The following WNK2 variants were observed in gnomAD, a reference collection of about 807,000 sequenced individuals.
The protein encoded by WNK2 is serine/threonine-protein kinase WNK2.
WNK2 carries 67 observed loss-of-function variants against 192.1 expected under a neutral mutation model. That is an observed-to-expected ratio of 0.35 (90% confidence interval 0.29 to 0.43). WNK2 has a LOEUF of 0.43. Among genes scored for constraint, WNK2 ranks in the 20% least tolerant of loss-of-function variants. WNK2 has a pLI of 1.00. For synonymous variants in WNK2, 1,439 were observed against 1,393.9 expected (o/e 1.03, Z -0.72); for missense variants, 2,698 against 3,089.7 (o/e 0.87, Z 3.01).
At chr9:93,268,137 G>A in intron 18 of WNK2, 72 bp downstream of exon 18, 1 of 1,544,656 alleles carries the variant, frequency 6.5e-7, no homozygotes, top group South Asian at 1.2e-5. Flanking sequence ...ATATTACCAG[G>A]GGTTTGGCCA....
chr9:93,245,038 A>G (rs1323395779), intron 7 of WNK2, among the ~76,000 whole-genome samples: 1 of 144,368 alleles, frequency 6.9e-6, no homozygotes, highest in African/African-American at 2.6e-5. Flanking sequence ...CGCCCCACTT[A>G]TGTCTCTTCT....
At chr9:93,264,874 A>G (rs2133085629) in intron 16 of WNK2, among the ~76,000 whole-genome samples, 1 of 152,282 alleles carries the variant, frequency 6.6e-6, no homozygotes, top group South Asian at 2.1e-4. Flanking sequence ...TCAAGTTAAT[A>G]TCATAGATTG....
rs1253781089 is a variant in WNK2 at position 93,239,181 on chromosome 9, G to A, written c.1323-576G>A. On this transcript the variant is annotated intron_variant, in intron 6 of 29. Transcript: ENST00000427277. The surrounding 1 kb of genome is among the most constrained non-coding windows in gnomAD (Gnocchi z 4.2). ...CCGCCCTCCCGGATCCCTGCAAAGA[G>A]CCTTCGAGGCTGGGTCTGGCTGGGG... 3.3e-5 allele frequency among the ~76,000 whole-genome samples: 5 copies of A among 152,216 alleles called. No individual in the cohort carries two copies. The highest frequency in any genetic ancestry group is 7.3e-5 in the Non-Finnish European group (5 of 68,032).
At chr9:93,314,131 A>T (rs1854165782) in intron 28 of WNK2, among the ~76,000 whole-genome samples, 1 of 151,846 alleles carries the variant, frequency 6.6e-6, no homozygotes, top group African/African-American at 2.4e-5. Flanking sequence ...AAAAAAAAAA[A>T]ATTAGCCCAG....
chr9:93,279,673 A>G (rs1213445936), intron 19 of WNK2, among the ~76,000 whole-genome samples: 1 of 152,236 alleles, frequency 6.6e-6, no homozygotes, highest in African/African-American at 2.4e-5. Flanking sequence ...ATAAAACTAC[A>G]GTAATCAAGA....
At chr9:93,256,260 G>A (rs1172354105) in intron 9 of WNK2, 39 bp from the exon 10 acceptor site, 11 of 1,455,118 alleles carry the variant, frequency 7.6e-6, no homozygotes, top group African/African-American at 2.9e-5. Context: ...CCTGGTGGCC[G>A]AGAGCTGCTG....
intron 26 of WNK2, among the ~76,000 whole-genome samples, chr9:93,300,957 C>T (rs1851497661): frequency 6.6e-6 from 1 of 152,216 alleles, no homozygotes; most frequent in African/African-American, 2.4e-5. Flanking sequence ...CCAGTGGGAG[C>T]ACTTTACTTG....
chr9:93,249,907 ATT>A (rs58293954), intron 8 of WNK2, among the ~76,000 whole-genome samples: 11 of 85,442 alleles, frequency 1.3e-4, no homozygotes, highest in South Asian at 1.0e-3. Flanking sequence ...GATGCTACCA[ATT>A]TTTTTTTTTT....
intron 2 of WNK2, among the ~76,000 whole-genome samples, chr9:93,220,439 C>T (rs981262113): frequency 2.0e-5 from 3 of 152,176 alleles, no homozygotes; most frequent in East Asian, 1.9e-4. Flanking sequence ...TCAGCACAGC[C>T]GTGCACTAAC....
intron 2 of WNK2, among the ~76,000 whole-genome samples, chr9:93,196,571 G>A (rs900342929): frequency 2.0e-5 from 3 of 152,120 alleles, no homozygotes; most frequent in African/African-American, 7.2e-5. Flanking sequence ...TTAGGTGGGG[G>A]CCAAGCAGCC....
intron 2 of WNK2, among the ~76,000 whole-genome samples, chr9:93,222,933 C>T (rs542577858): frequency 2.0e-5 from 3 of 152,318 alleles, no homozygotes; most frequent in East Asian, 1.9e-4. Context: ...CTGCCCGCGT[C>T]GGCCTTCCAA....
At chr9:93,214,880 A>T (rs1307597880) in intron 2 of WNK2, among the ~76,000 whole-genome samples, 1 of 148,162 alleles carries the variant, frequency 6.7e-6, no homozygotes, top group Admixed American at 6.7e-5. Context: ...TGGTGGCATT[A>T]TTATTATTAT....
intron 23 of WNK2, among the ~76,000 whole-genome samples, chr9:93,296,500 ATCCTCCCCTCACCT>A (rs146384418): frequency 0.012 from 113 of 9,716 alleles, no homozygotes; most frequent in Middle Eastern, 0.036. Flanking sequence ...CTCCCCCTCC[ATCCTCCCCTCACCT>A]TCCTCCCCTT....
chr9:93,308,763 G>A lies in WNK2; in HGVS notation c.6516+179G>A, dbSNP rs1853088986. ...GTCCACTTTACAGATTGGGAGGTGAGCGACGCACCCACAGCTCCGCAGCTG... is the reference window on the plus strand; with the variant it reads ...GTCCACTTTACAGATTGGGAGGTGAACGACGCACCCACAGCTCCGCAGCTG... On this transcript the variant is annotated intron_variant, in intron 28 of 29. Coordinates refer to ENST00000427277, the MANE Select transcript of WNK2 (RefSeq NM_006648.4). 2.8e-6 allele frequency: 4 copies of A among 1,417,044 alleles called. No individual in the cohort carries two copies. The South Asian group carries it at 6.0e-5, about 21-fold the overall frequency. The allele number at this position is 1,417,044 out of a possible 1,614,324, so 87.8% of individuals were successfully genotyped here. A position where few individuals can be genotyped will look rare whatever the true frequency, so the allele number is the denominator to read the frequency against.
rs1829063014 is a variant in WNK2, at chr9:93,185,200, G to A, written c.271G>A (p.Gly91Arg). Residue 91 changes from glycine (G) to arginine (R), a missense_variant, in exon 2 of 30, where the codon GGA becomes AGA. Around this residue, in one of 7 missense-constraint regions of WNK2, gnomAD observed 260 missense variants for 285.6 expected, o/e 0.91. Transcript: ENST00000427277. ...TRRLIAERARGRPAAPAPAAL... is the reference protein window; with the variant it reads ...TRRLIAERARRRPAAPAPAAL... Reference sequence around the variant, plus strand: ...CCGCCTCATCGCGGAGCGCGCCCGCGGACGCCCCGCCGCCCCCGCGCCCGC... The same window carrying A: ...CCGCCTCATCGCGGAGCGCGCCCGCAGACGCCCCGCCGCCCCCGCGCCCGC... 1.7e-6 allele frequency: 2 copies of A among 1,161,736 alleles called. No homozygotes were observed. The highest frequency in any genetic ancestry group is 1.1e-6 in the Non-Finnish European group (1 of 944,566). The allele number at this position is 1,161,736 out of a possible 1,614,324, so 72.0% of individuals were successfully genotyped here.
chr9:93,270,172 G>C (rs1020102082), intron 19 of WNK2, among the ~76,000 whole-genome samples: 2 of 152,204 alleles, frequency 1.3e-5, no homozygotes, highest in Admixed American at 1.3e-4. Flanking sequence ...GGAAGGACTA[G>C]CTGGAAGGAG....
rs1175563862 is a variant in WNK2, at chr9:93,218,021, C to T, written c.682-11675C>T. ...AGCTACAGGTCTGGGTATTTCCCTA[C>T]GTTGGGGGGGTGGGGTGGGGGGAAG... is the stretch of plus-strand genomic sequence containing the variant. On this transcript the variant is annotated intron_variant, in intron 2 of 29. Transcript: ENST00000427277. 5.9e-5 allele frequency among the ~76,000 whole-genome samples: 5 copies of T among 84,616 alleles called. No homozygotes were observed. In the East Asian group the frequency reaches 1.1e-3, roughly 19 times the overall value. The allele number at this position is 84,616 out of a possible 152,430, so 55.5% of individuals were successfully genotyped here.
intron 23 of WNK2, among the ~76,000 whole-genome samples, chr9:93,295,173 G>A (rs574135384): frequency 9.7e-4 from 148 of 152,296 alleles, no homozygotes; most frequent in Non-Finnish European, 1.7e-3. Context: ...GGCACCCCCT[G>A]TGTCGGAGCC....
intron 21 of WNK2, 40 bp downstream of exon 21, chr9:93,290,087 G>C (rs768881206): frequency 6.5e-7 from 1 of 1,539,858 alleles, no homozygotes; most frequent in Non-Finnish European, 8.8e-7. Context: ...ACAAGGTGCT[G>C]CCTGGCTTCC....
Sources: allele counts gnomAD v4.1 joint callset (sites outside exome capture counted in the v4.1 genomes callset), GRCh38; gene constraint gnomAD v4.1.1; regional missense constraint gnomAD v4.1.1; non-coding constraint Gnocchi (gnomAD v3.1); transcripts MANE v1.5; gene names NCBI Gene and HGNC (gene_info 2026-07-23, HGNC 2026-07-21).